ARHGAP40: variants seen among roughly 807,000 people sequenced by gnomAD.
ARHGAP40 encodes the protein rho GTPase-activating protein 40.
ARHGAP40 carries 43 observed loss-of-function variants against 73.5 expected under a neutral mutation model. The ratio of observed to expected loss-of-function variants is 0.58; its 90% CI spans 0.46 to 0.75. The LOEUF (loss-of-function observed/expected upper bound fraction) is 0.75. ARHGAP40 is among the 30% of genes least tolerant of loss of function. The pLI is 0.00. For synonymous variants in ARHGAP40, 300 were observed against 352.8 expected (o/e 0.85, Z 1.68); for missense variants, 734 against 861.8 (o/e 0.85, Z 1.86).
At chr20:38,626,747 CTA>C (rs2145603447) in intron 2 of ARHGAP40, among the ~76,000 whole-genome samples, 1 of 152,196 alleles carries the variant, frequency 6.6e-6, no homozygotes, top group South Asian at 2.1e-4. Flanking sequence ...CCAGGGATTG[CTA>C]TGTTATGGGT....
At chr20:38,608,850 C>T (rs1165339792) in intron 1 of ARHGAP40, among the ~76,000 whole-genome samples, 1 of 152,116 alleles carries the variant, frequency 6.6e-6, no homozygotes, top group African/African-American at 2.4e-5. Context: ...TGGAGGCTCT[C>T]GGGGACAATC....
At chr20:38,643,611 CA>C (rs2089032982) in intron 10 of ARHGAP40, 92 bp from the exon 11 acceptor site, 2 of 1,073,972 alleles carry the variant, frequency 1.9e-6, no homozygotes, top group Admixed American at 5.1e-5. Flanking sequence ...TCCTTCCTAG[CA>C]CCCCCTTATC....
At chr20:38,639,410 C>T (rs2088999869) in intron 9 of ARHGAP40, 24 bp downstream of exon 9, 2 of 1,302,656 alleles carry the variant, frequency 1.5e-6, no homozygotes, top group Non-Finnish European at 2.0e-6. Flanking sequence ...AGCCCTTAGC[C>T]TGTGCAGGGA....
At chr20:38,604,758 C>A (rs1246358987) in intron 1 of ARHGAP40, among the ~76,000 whole-genome samples, 1 of 152,140 alleles carries the variant, frequency 6.6e-6, no homozygotes, top group Admixed American at 6.5e-5. Flanking sequence ...TTTATTATAT[C>A]TTTCAAGTAT....
In ARHGAP40 at chr20:38,633,177, C is replaced by G. The variant is rs115079839; in HGVS notation, c.784-1443C>G. On this transcript the variant is annotated intron_variant, in intron 5 of 14. Transcript: ENST00000373345. ...GTGTGTGCCCGTAATCTTAGCTACT[C>G]AGGAGGCTGGGGCAGGAGGATCACT... Among the ~76,000 whole-genome samples, 267 of 151,710 alleles carry G rather than the reference C, an allele frequency of 1.8e-3. 3 individuals carry two copies. The highest frequency in any genetic ancestry group is 6.3e-3 in the African/African-American group (261 of 41,332).
At chr20:38,635,238 A>G (rs2088967335) in intron 6 of ARHGAP40, among the ~76,000 whole-genome samples, 1 of 152,170 alleles carries the variant, frequency 6.6e-6, no homozygotes. Flanking sequence ...TATGTAAACA[A>G]TTCCTGCTCA....
chr20:38,615,304 T>C, intron 1 of ARHGAP40: 1 of 774,160 alleles, frequency 1.3e-6, no homozygotes, highest in Non-Finnish European at 2.4e-6. Context: ...GCAGTCGACA[T>C]TTCTGCTTTT....
At chr20:38,640,394 A>AT (rs2089011216) in intron 9 of ARHGAP40, among the ~76,000 whole-genome samples, 2 of 150,462 alleles carry the variant, frequency 1.3e-5, no homozygotes, top group African/African-American at 4.9e-5. Context: ...CTTGTTTAAC[A>AT]TTTTTTTGTA....
At chr20:38,627,604 G>GGT (rs1217788745) in intron 3 of ARHGAP40, among the ~76,000 whole-genome samples, 4 of 89,464 alleles carry the variant, frequency 4.5e-5, no homozygotes, top group Non-Finnish European at 7.5e-5. Flanking sequence ...GGTGTGCGTT[G>GGT]GTGTGTGTGT....
chr20:38,606,251 G>A (rs1204172261), intron 1 of ARHGAP40, among the ~76,000 whole-genome samples: 1 of 152,134 alleles, frequency 6.6e-6, no homozygotes, highest in Admixed American at 6.5e-5. Context: ...GGAATTTTAG[G>A]TTGCTTCTTT....
At chr20:38,615,459 G>T (rs573224543) in intron 1 of ARHGAP40, 1 of 697,468 alleles carries the variant, frequency 1.4e-6, no homozygotes, top group South Asian at 1.5e-5. Flanking sequence ...CCAGGAACTC[G>T]ACCTCGGCCA....
At chr20:38,645,664 C>T (rs1418771681) in intron 11 of ARHGAP40, among the ~76,000 whole-genome samples, 2 of 152,062 alleles carry the variant, frequency 1.3e-5, no homozygotes, top group Non-Finnish European at 2.9e-5. Flanking sequence ...GTAGGAATCC[C>T]CCAGTGTGGG....
chr20:38,615,529 T>A (rs1419500406), intron 1 of ARHGAP40: 5 of 615,806 alleles, frequency 8.1e-6, no homozygotes, highest in Non-Finnish European at 1.2e-5. Context: ...CCCTTCAGTG[T>A]CCCGGAGGAG....
In ARHGAP40 at chr20:38,646,242, C is replaced by T. The variant is rs1219027665; in HGVS notation, c.1710+55C>T. ...GAAGGGCCGAGGCGACAGGAGGGCA[C>T]CTGGGGCGCGGTGCTTCCCTTCCTC... On this transcript the variant is annotated intron_variant, in intron 12 of 14. Transcript: ENST00000373345. The surrounding 1 kb of genome is among the most constrained non-coding windows in gnomAD (Gnocchi z 4.5). 1 of 1,243,396 alleles carries T rather than the reference C, an allele frequency of 8.0e-7. No individual in the cohort carries two copies. Among genetic ancestry groups the T allele is most frequent in the Non-Finnish European group, 1.0e-6 (1 of 953,242 alleles). 77.0% of individuals were successfully genotyped at this position (1,243,396 alleles called of 1,614,324 possible). A position where few individuals can be genotyped will look rare whatever the true frequency, so the allele number is the denominator to read the frequency against.
chr20:38,604,183 C>G (rs996157728), intron 1 of ARHGAP40, among the ~76,000 whole-genome samples: 1 of 152,166 alleles, frequency 6.6e-6, no homozygotes, highest in Non-Finnish European at 1.5e-5. Flanking sequence ...CCTGACTCCA[C>G]CACCACCCTC....
chr20:38,602,321 C>T (rs1234291951), intron 1 of ARHGAP40, among the ~76,000 whole-genome samples: 3 of 152,170 alleles, frequency 2.0e-5, no homozygotes, highest in Non-Finnish European at 2.9e-5. Context: ...GTTCAGGCTA[C>T]TGGCCTCCTG....
chr20:38,603,056 C>T (rs979311666), intron 1 of ARHGAP40, among the ~76,000 whole-genome samples: 5 of 152,336 alleles, frequency 3.3e-5, no homozygotes, highest in African/African-American at 1.2e-4. Flanking sequence ...TGAATAGACC[C>T]TGCCCTCCAA....
At chr20:38,614,434 G>T (rs1271859861) in intron 1 of ARHGAP40, among the ~76,000 whole-genome samples, 3 of 152,020 alleles carry the variant, frequency 2.0e-5, no homozygotes, top group Non-Finnish European at 4.4e-5. Flanking sequence ...AGCATCATTA[G>T]CTGCACCATC....
intron 1 of ARHGAP40, among the ~76,000 whole-genome samples, chr20:38,604,974 A>T (rs995354006): frequency 6.6e-6 from 1 of 151,150 alleles, no homozygotes; most frequent in African/African-American, 2.4e-5. Context: ...CTTCCCTGGA[A>T]CAAGGTTGGT....
Sources: allele counts gnomAD v4.1 joint callset (sites outside exome capture counted in the v4.1 genomes callset), GRCh38; gene constraint gnomAD v4.1.1; non-coding constraint Gnocchi (gnomAD v3.1); transcripts MANE v1.5; gene names NCBI Gene and HGNC (gene_info 2026-07-23, HGNC 2026-07-21).